Variants in CEP131 observed in about 807,000 individuals in gnomAD.
The protein encoded by CEP131 is centrosomal protein 131.
A neutral mutation model predicts 136.8 loss-of-function variants in CEP131; 99 were observed. The observed-to-expected ratio is 0.72, with a 90% CI of 0.62 to 0.86. The LOEUF (loss-of-function observed/expected upper bound fraction) is 0.86. CEP131 is among the 40% of genes least tolerant of loss of function. The pLI, the probability that CEP131 is intolerant of heterozygous loss-of-function variation, is 0.00. For synonymous variants in CEP131, 646 were observed against 612.7 expected, an observed-to-expected ratio of 1.05 and a Z score of -0.80; for missense variants, 1,459 against 1,463.0, an observed-to-expected ratio of 1.00 and a Z score of 0.04.
At chr17:81,197,647 C>T in intron 13 of CEP131, 65 bp downstream of exon 13, 1 of 1,528,848 alleles carries the variant, frequency 6.5e-7, no homozygotes, top group Non-Finnish European at 8.8e-7. Flanking sequence ...CCCCCGAGGG[C>T]CAGGTGCAGG....
chr17:81,205,854 G>A (rs138944601), intron 5 of CEP131, among the ~76,000 whole-genome samples: 30 of 152,218 alleles, frequency 2.0e-4, no homozygotes, highest in African/African-American at 3.4e-4. Flanking sequence ...AGCTATGATC[G>A]TGGACTCCAG....
Position 81,192,404 on chromosome 17 carries a change from A to G in CEP131, c.2548-12T>C. On this transcript the variant is annotated splice_polypyrimidine_tract_variant and intron_variant, in intron 20 of 25. Transcript: ENST00000450824. The stretch of plus-strand genomic sequence containing the variant: ...GTATTCAGCTCCATCTGGGGGGCGG[A>G]CATAAGAGGCCAGTCAGTCCCACCC... The G allele has an allele frequency of 1.2e-6, 2 of 1,610,392 alleles. No individual in the cohort carries two copies. The highest frequency in any genetic ancestry group is 4.5e-5 in the East Asian group (2 of 44,804).
In CEP131 at chr17:81,206,778, C is replaced by T. The variant is rs367933757; in HGVS notation, c.481G>A (p.Val161Met). ...PAGPRRKECT[V>M]ALAPNFTANN... ...GCAGTGAAGTTGGGGGCCAGGGCCA[C>T]GGTGCATTCTTTCCTCCGCGGGCCC... Residue 161 changes from valine (V) to methionine (M), a missense_variant, in exon 5 of 26, where the codon GTG becomes ATG. By Grantham distance (21) the Val-to-Met change is conservative. This residue lies in a region of CEP131 where 246 missense variants were observed against 318.9 expected (regional missense o/e 0.77). Transcript: ENST00000450824. 5.5e-5 allele frequency: 89 copies of T among 1,614,064 alleles called. No individual in the cohort carries two copies. Among genetic ancestry groups the T allele is most frequent in the Admixed American group, 1.2e-4 (7 of 60,002 alleles).
Position 81,198,211 on chromosome 17 carries a change from C to T in CEP131, c.1374G>A (p.Glu458=), listed in dbSNP as rs1182978706. The T allele has an allele frequency of 5.0e-6, 8 of 1,595,784 alleles. No homozygotes were observed. Among genetic ancestry groups the T allele is most frequent in the African/African-American group, 2.7e-5 (2 of 74,406 alleles). ...RGSAKSRGPL[E]ELLHTLQLLE... ...GCAGCTGCAGTGTGTGCAGCAGCTC[C>T]TCCAGTGGCCCCCTGGACTTGGCGC... Residue 458 remains glutamate (E), a synonymous_variant, in exon 12 of 26, where the codon GAG becomes GAA. Coordinates refer to ENST00000450824, the MANE Select transcript of CEP131 (RefSeq NM_014984.4).
chr17:81,220,442 C>T (rs747596358), intron 1 of CEP131, among the ~76,000 whole-genome samples: 1 of 152,222 alleles, frequency 6.6e-6, no homozygotes, highest in Non-Finnish European at 1.5e-5. Flanking sequence ...GAGAAAGTCA[C>T]TGCCCCGAGC....
At position 81,199,562 on chromosome 17, in the gene CEP131, C is replaced by T; in HGVS notation, c.1024-13G>A. ...TCTGTTGCAGCTCCTGCAGTGGGAG[C>T]ATCGCTGAGCACTGTCCCTGGGAGA... On this transcript the variant is annotated splice_polypyrimidine_tract_variant and intron_variant, in intron 9 of 25. Coordinates refer to ENST00000450824, the MANE Select transcript of CEP131 (RefSeq NM_014984.4). 6.2e-7 allele frequency: 1 copy of T among 1,600,168 alleles called. No individual in the cohort carries two copies.
At chr17:81,191,662 C>T (rs991741469) in intron 21 of CEP131, among the ~76,000 whole-genome samples, 7 of 152,314 alleles carry the variant, frequency 4.6e-5, no homozygotes, top group Admixed American at 4.6e-4. Flanking sequence ...GGCCTGGGCC[C>T]CCAAGCCCAG....
At chr17:81,193,548 G>A (rs367948794) in intron 18 of CEP131, among the ~76,000 whole-genome samples, 68 of 152,338 alleles carry the variant, frequency 4.5e-4, no homozygotes, top group African/African-American at 1.5e-3. Context: ...GTGAATGAGA[G>A]AGACCGTCCC....
Position 81,207,130 on chromosome 17 carries a change from C to CTCCTTACCAG in CEP131, c.381_382insCTGGTAAGGA (p.Val128LeufsTer7). 1 of 1,612,008 alleles carries CTCCTTACCAG rather than the reference C, an allele frequency of 6.2e-7. No individual in the cohort carries two copies. Reference sequence around the variant, plus strand: ...GGCCGCATGCACCACCTTACCAGGACGTTCCAGGTGGCTCCCTTCTCGCTG... The same window carrying CTCCTTACCAG: ...GGCCGCATGCACCACCTTACCAGGACTCCTTACCAGGTTCCAGGTGGCTCCCTTCTCGCTG... On this transcript the variant is annotated frameshift_variant, in exon 4 of 26. Coordinates refer to ENST00000450824, the MANE Select transcript of CEP131 (RefSeq NM_014984.4). LOFTEE classifies it high-confidence loss of function.
intron 2 of CEP131, among the ~76,000 whole-genome samples, chr17:81,218,357 C>T (rs905193331): frequency 6.6e-6 from 1 of 152,192 alleles, no homozygotes; most frequent in Non-Finnish European, 1.5e-5. Flanking sequence ...TCTGCGATTT[C>T]GAGTGCGTCT....
intron 2 of CEP131, among the ~76,000 whole-genome samples, chr17:81,212,478 C>A (rs1425358090): frequency 6.7e-6 from 1 of 149,096 alleles, no homozygotes; most frequent in Non-Finnish European, 1.5e-5. Context: ...TAGCCCCGGG[C>A]AGGAGTGGGG....
chr17:81,199,303 G>A, intron 10 of CEP131, 78 bp downstream of exon 10: 1 of 1,439,996 alleles, frequency 6.9e-7, no homozygotes, highest in South Asian at 1.4e-5. Flanking sequence ...GAGGCCGAGA[G>A]GAGGTCCACA....
intron 5 of CEP131, among the ~76,000 whole-genome samples, chr17:81,205,074 C>G (rs2061974323): frequency 6.6e-6 from 1 of 151,972 alleles, no homozygotes; most frequent in African/African-American, 2.4e-5. Flanking sequence ...GTCTGGCCAA[C>G]ATAGCGAAAC....
intron 16 of CEP131, among the ~76,000 whole-genome samples, chr17:81,195,538 A>G (rs2659017): frequency 0.96 from 145,596 of 152,232 alleles, 69,739 homozygotes; most frequent in East Asian, 0.99. Flanking sequence ...AGTGGGGCAG[A>G]CCAGGCAGAG....
At position 81,208,853 on chromosome 17, in the gene CEP131, G is replaced by C. The variant is rs574322281; in HGVS notation, c.272+75C>G. ...CTGGAGGAAGGGCAGAGCAGAGGCA[G>C]GGAGGAGCAGGCCAGGGTGGGGCAC... is the stretch of plus-strand genomic sequence containing the variant. On this transcript the variant is annotated intron_variant, in intron 3 of 25. Transcript: ENST00000450824. The surrounding 1 kb of genome is among the most constrained non-coding windows in gnomAD (Gnocchi z 5.6). 1.2e-4 allele frequency: 143 copies of C among 1,168,532 alleles called. No homozygotes were observed. The highest frequency in any genetic ancestry group is 4.8e-4 in the Admixed American group (25 of 52,458). The allele number at this position is 1,168,532 out of a possible 1,614,324, so 72.4% of individuals were successfully genotyped here. A position where few individuals can be genotyped will look rare whatever the true frequency, so the allele number is the denominator to read the frequency against.
Position 81,189,944 on chromosome 17 carries a change from C to G in CEP131, c.3139G>C (p.Ala1047Pro), listed in dbSNP as rs2061601888. ...VKTALARKEE[A>P]VSSLRTQHEA... ...TGTTGTGTCCGGAGGCTGCTCACGG[C>G]CTCCTCCTTCCTCGCGAGGGCTGTC... Residue 1047 changes from alanine to proline, a missense_variant, in exon 25 of 26, where the codon GCC (alanine) becomes CCC (proline). Ala to Pro is a conservative substitution (Grantham distance 27). Transcript: ENST00000450824. 6 of 1,611,326 alleles carry G rather than the reference C, an allele frequency of 3.7e-6. No individual in the cohort carries two copies. Among genetic ancestry groups the G allele is most frequent in the Non-Finnish European group, 4.2e-6 (5 of 1,178,622 alleles).
chr17:81,220,172 A>C, intron 1 of CEP131, 99 bp from the exon 2 acceptor site: 1 of 1,071,852 alleles, frequency 9.3e-7, no homozygotes, highest in Non-Finnish European at 1.2e-6. Flanking sequence ...TCCACTGGCC[A>C]CCAAACTTCC....
chr17:81,197,716 TGCTG>T lies in CEP131; in HGVS notation c.1639_1642del (p.Gln547ArgfsTer19). On this transcript the variant is annotated frameshift_variant, in exon 13 of 26. Coordinates refer to ENST00000450824, the MANE Select transcript of CEP131 (RefSeq NM_014984.4). LOFTEE classifies it high-confidence loss of function. The stretch of plus-strand genomic sequence containing the variant: ...TGCGGGCTGGTGAGGGGCCACCTCC[TGCTG>T]GGAGTCCAGCTGGTCCTGCCCAGAC... 1 of 1,610,224 alleles carries T rather than the reference TGCTG, an allele frequency of 6.2e-7. No homozygotes were observed. The highest frequency in any genetic ancestry group is 8.5e-7 in the Non-Finnish European group (1 of 1,178,456).
intron 21 of CEP131, among the ~76,000 whole-genome samples, chr17:81,191,969 G>C (rs143332571): frequency 2.6e-5 from 4 of 152,100 alleles, no homozygotes; most frequent in South Asian, 2.1e-4. Flanking sequence ...AGAGGCTAAG[G>C]GGGGAGCCCC....
Sources: allele counts gnomAD v4.1 joint callset (sites outside exome capture counted in the v4.1 genomes callset), GRCh38; gene constraint gnomAD v4.1.1; regional missense constraint gnomAD v4.1.1; non-coding constraint Gnocchi (gnomAD v3.1); transcripts MANE v1.5; gene names NCBI Gene and HGNC (gene_info 2026-07-23, HGNC 2026-07-21).